TRPC6: variants seen among roughly 807,000 people sequenced by gnomAD.
The protein encoded by TRPC6 is short transient receptor potential channel 6.
TRPC6 carries 55 observed loss-of-function variants against 90.7 expected under a neutral mutation model. That is an observed-to-expected ratio of 0.61 (90% CI 0.49 to 0.76). The LOEUF (loss-of-function observed/expected upper bound fraction) is 0.76, where lower values mean the gene tolerates loss of function less well. TRPC6 is among the 30% of genes least tolerant of loss of function. The probability of loss-of-function intolerance (pLI) is 0.00; values close to 1 mark genes in which losing one functional copy is unlikely to be tolerated. For missense variants in TRPC6, 989 were observed against 1,122.7 expected (o/e 0.88, Z 1.70); for synonymous variants, 393 against 393.0 (o/e 1.00, Z 0.00).
chr11:101,456,251 C>T (rs1194464059), intron 10 of TRPC6, among the ~76,000 whole-genome samples: 1 of 152,148 alleles, frequency 6.6e-6, no homozygotes, highest in Non-Finnish European at 1.5e-5. Context: ...AGGCAAGATG[C>T]TTCAACTTTC....
intron 1 of TRPC6, among the ~76,000 whole-genome samples, chr11:101,520,795 G>A (rs540749261): frequency 3.9e-5 from 6 of 152,348 alleles, no homozygotes; most frequent in African/African-American, 9.6e-5. Flanking sequence ...AGAGGTTGGA[G>A]TCACTGTGCC....
chr11:101,575,055 C>A (rs1862042230), intron 1 of TRPC6, among the ~76,000 whole-genome samples: 1 of 152,122 alleles, frequency 6.6e-6, no homozygotes, highest in African/African-American at 2.4e-5. Context: ...TAATTGATTC[C>A]TGGCAACTTA....
chr11:101,466,859 A>T (rs191523290), intron 10 of TRPC6, among the ~76,000 whole-genome samples: 101 of 152,332 alleles, frequency 6.6e-4, no homozygotes, highest in Middle Eastern at 3.4e-3. Context: ...TGGAGTAGGC[A>T]CCAGAGGGAA....
intron 1 of TRPC6, among the ~76,000 whole-genome samples, chr11:101,526,564 T>A (rs1400129405): frequency 6.6e-6 from 1 of 152,038 alleles, no homozygotes; most frequent in African/African-American, 2.4e-5. Context: ...CAGAAGATGA[T>A]TTAATTAAAT....
chr11:101,480,595 A>G (rs1238371376), intron 5 of TRPC6, among the ~76,000 whole-genome samples: 1 of 152,122 alleles, frequency 6.6e-6, no homozygotes, highest in African/African-American at 2.4e-5. Context: ...AGAAAATTTA[A>G]TTTTTCAAAG....
rs1859346837 is a variant in TRPC6 at position 101,473,673 on chromosome 11, TG to T, written c.1844del (p.Pro615GlnfsTer35). On this transcript the variant is annotated frameshift_variant, in exon 7 of 13. Transcript: ENST00000344327. LOFTEE classifies it high-confidence loss of function. ...LSFSRIAYIL[P>X]ANESFGPLQI... ...GCAGAGGTCCAAAGCTTTCATTTGC[TG>T]GTAAAATATAAGCTATCCTAGAGAA... The T allele has an allele frequency of 6.2e-7, 1 of 1,613,698 alleles. No individual in the cohort carries two copies. Among genetic ancestry groups the T allele is most frequent in the Non-Finnish European group, 8.5e-7 (1 of 1,179,802 alleles).
At chr11:101,567,050 G>A (rs1001434704) in intron 1 of TRPC6, among the ~76,000 whole-genome samples, 1 of 133,908 alleles carries the variant, frequency 7.5e-6, no homozygotes, top group African/African-American at 2.8e-5. Flanking sequence ...AAAGGGGGCT[G>A]AAGTCTGGCT....
chr11:101,538,842 A>G (rs145318230), intron 1 of TRPC6, among the ~76,000 whole-genome samples: 28 of 152,324 alleles, frequency 1.8e-4, no homozygotes, highest in African/African-American at 6.0e-4. Context: ...GATCCCCAGA[A>G]CAGACAGCAA....
chr11:101,577,568 G>A (rs572784819), intron 1 of TRPC6, among the ~76,000 whole-genome samples: 3 of 152,282 alleles, frequency 2.0e-5, no homozygotes, highest in Admixed American at 1.3e-4. Flanking sequence ...GTTGTGGCGG[G>A]AGGTGGGGAG....
intron 1 of TRPC6, among the ~76,000 whole-genome samples, chr11:101,539,064 T>C (rs1441442030): frequency 6.6e-6 from 1 of 152,210 alleles, no homozygotes; most frequent in African/African-American, 2.4e-5. Context: ...CGTATGTTGT[T>C]TCAAGTCACT....
chr11:101,561,499 C>T (rs1422746671), intron 1 of TRPC6, among the ~76,000 whole-genome samples: 1 of 152,068 alleles, frequency 6.6e-6, no homozygotes, highest in Admixed American at 6.6e-5. Context: ...CTGTTGAGAA[C>T]ATTTGAGAAC....
At chr11:101,468,192 C>T (rs1357961663) in intron 10 of TRPC6, among the ~76,000 whole-genome samples, 1 of 152,222 alleles carries the variant, frequency 6.6e-6, no homozygotes, top group Non-Finnish European at 1.5e-5. Flanking sequence ...TTACCTCCCA[C>T]TGCAGCCCTT....
chr11:101,573,940 GTGTGTGTGTGTGTGTGTA>G lies in TRPC6; in HGVS notation c.170+9376_170+9393del, dbSNP rs1251338019. On this transcript the variant is annotated intron_variant, in intron 1 of 12. Coordinates refer to ENST00000344327, the MANE Select transcript of TRPC6 (RefSeq NM_004621.6). ...CAAATACGTGTGTGTGTGTGTGTGTGTGTGTGTGTGTGTGTGTATGTGTGTGTGTGTTGAGAAGGGTGG... is the reference window on the plus strand; with the variant it reads ...CAAATACGTGTGTGTGTGTGTGTGTGTGTGTGTGTGTGTTGAGAAGGGTGG... Among the ~76,000 whole-genome samples, 550 of 127,688 alleles carry G rather than the reference GTGTGTGTGTGTGTGTGTA, an allele frequency of 4.3e-3. 6 individuals carry two copies. The highest frequency in any genetic ancestry group is 9.1e-3 in the Admixed American group (120 of 13,258). The allele number at this position is 127,688 out of a possible 152,430, so 83.8% of individuals were successfully genotyped here.
intron 1 of TRPC6, among the ~76,000 whole-genome samples, chr11:101,563,721 G>A (rs1861766202): frequency 6.6e-6 from 1 of 152,092 alleles, no homozygotes. Context: ...CAGGATGGGA[G>A]GAGACACTGT....
intron 1 of TRPC6, among the ~76,000 whole-genome samples, chr11:101,564,896 G>A (rs1565247357): frequency 6.6e-6 from 1 of 151,894 alleles, no homozygotes; most frequent in Non-Finnish European, 1.5e-5. Context: ...ATAGAACAGA[G>A]AGCCCATAAA....
At chr11:101,513,840 T>C (rs998593169) in intron 1 of TRPC6, among the ~76,000 whole-genome samples, 1 of 152,134 alleles carries the variant, frequency 6.6e-6, no homozygotes, top group African/African-American at 2.4e-5. Flanking sequence ...CATAGAAACA[T>C]TCAAAATGTG....
rs575545872 is a variant in TRPC6 at position 101,563,358 on chromosome 11, A to C, written c.170+19976T>G. 2.6e-5 allele frequency among the ~76,000 whole-genome samples: 4 copies of C among 152,312 alleles called. No individual in the cohort carries two copies. In the East Asian group the frequency reaches 7.7e-4, roughly 29 times the overall value. On this transcript the variant is annotated intron_variant, in intron 1 of 12. Coordinates refer to ENST00000344327, the MANE Select transcript of TRPC6 (RefSeq NM_004621.6). Reference sequence around the variant, plus strand: ...GGGTTTACTCTGGACCAGAAGCTGCATGAAGTGCTGAGGATGCTTGCATGT... The same window carrying C: ...GGGTTTACTCTGGACCAGAAGCTGCCTGAAGTGCTGAGGATGCTTGCATGT...
Position 101,454,922 on chromosome 11 carries a change from T to C in TRPC6, c.2568+96A>G, listed in dbSNP as rs1420675729. 1.2e-5 allele frequency: 11 copies of C among 923,602 alleles called. No individual in the cohort carries two copies. In the Middle Eastern group the frequency reaches 8.3e-4, roughly 69 times the overall value. 57.2% of individuals were successfully genotyped at this position (923,602 alleles called of 1,614,324 possible). A position where few individuals can be genotyped will look rare whatever the true frequency, so the allele number is the denominator to read the frequency against. On this transcript the variant is annotated intron_variant, in intron 11 of 12. Coordinates refer to ENST00000344327, the MANE Select transcript of TRPC6 (RefSeq NM_004621.6). Reference sequence around the variant, plus strand: ...TATTGAATTAATGCATTATTTGATATTGAGAAAAATATCCTGATACTTTAA... The same window carrying C: ...TATTGAATTAATGCATTATTTGATACTGAGAAAAATATCCTGATACTTTAA...
chr11:101,571,567 T>C (rs866837474), intron 1 of TRPC6, among the ~76,000 whole-genome samples: 18 of 152,046 alleles, frequency 1.2e-4, no homozygotes, highest in Middle Eastern at 3.4e-3. Context: ...GCCAAGACAA[T>C]CCTAAGCAAA....
Sources: gnomAD v4.1 joint callset for allele counts (sites outside exome capture counted in the v4.1 genomes callset) on GRCh38, gnomAD v4.1.1 for gene constraint, MANE v1.5 for transcripts, NCBI Gene and HGNC (gene_info 2026-07-23, HGNC 2026-07-21) for gene names.